The following POLD3 variants were observed in gnomAD, a reference collection of about 807,000 sequenced individuals.
POLD3 encodes DNA polymerase delta subunit 3.
In POLD3, 19 loss-of-function variants were observed where a neutral mutation model predicts 58.2. That is an observed-to-expected ratio of 0.33 (90% CI 0.23 to 0.48). The LOEUF (loss-of-function observed/expected upper bound fraction) is 0.48, where lower values mean the gene tolerates loss of function less well. POLD3 is among the 20% of genes least tolerant of loss of function. POLD3 has a pLI of 0.99. For synonymous variants in POLD3, 172 were observed against 193.5 expected (o/e 0.89, Z 0.92); for missense variants, 504 against 545.5 (o/e 0.92, Z 0.76).
chr11:74,601,281 C>T (rs1341282727), intron 2 of POLD3, among the ~76,000 whole-genome samples: 1 of 152,118 alleles, frequency 6.6e-6, no homozygotes, highest in Non-Finnish European at 1.5e-5. Flanking sequence ...TCTGTTAGCT[C>T]ATTTATCCTT....
At chr11:74,622,609 C>A (rs2032300859) in intron 7 of POLD3, among the ~76,000 whole-genome samples, 2 of 152,154 alleles carry the variant, frequency 1.3e-5, no homozygotes, top group Admixed American at 1.3e-4. Flanking sequence ...AAGATCATTA[C>A]AATGAAAATG....
chr11:74,651,876 T>C (rs2033073023), intron 4 of POLD3, among the ~76,000 whole-genome samples: 1 of 152,130 alleles, frequency 6.6e-6, no homozygotes, highest in South Asian at 2.1e-4. Flanking sequence ...TGAAAACAAT[T>C]CCTGTCATTA....
chr11:74,592,792 A>G, intron 1 of POLD3, 74 bp downstream of exon 1: 1 of 1,588,334 alleles, frequency 6.3e-7, no homozygotes, highest in Non-Finnish European at 8.6e-7. Flanking sequence ...GGGAGCCTTG[A>G]CCCTCTGTCT....
chr11:74,652,315 T>C (rs1435346307), intron 4 of POLD3, among the ~76,000 whole-genome samples: 1 of 152,228 alleles, frequency 6.6e-6, no homozygotes, highest in Non-Finnish European at 1.5e-5. Context: ...TTAGGATAGA[T>C]TGTTAGGAAT....
At chr11:74,650,013 A>G (rs561349563) in intron 4 of POLD3, among the ~76,000 whole-genome samples, 2 of 152,264 alleles carry the variant, frequency 1.3e-5, no homozygotes, top group Non-Finnish European at 2.9e-5. Flanking sequence ...AAAGTCACCA[A>G]ATTTCTCTGA....
At chr11:74,622,340 T>A (rs182259881) in intron 7 of POLD3, among the ~76,000 whole-genome samples, 173 of 152,076 alleles carry the variant, frequency 1.1e-3, no homozygotes, top group Admixed American at 2.4e-3. Context: ...TACGTGTGCA[T>A]GTAAGACCCC....
At position 74,606,240 on chromosome 11, in the gene POLD3, C is replaced by T. The variant is rs192308687; in HGVS notation, c.219+1446C>T. Among the ~76,000 whole-genome samples, 15 of 152,330 alleles carry T rather than the reference C, an allele frequency of 9.8e-5. No homozygotes were observed. In the East Asian group the frequency reaches 2.9e-3, roughly 29 times the overall value. ...GTGTAAAATAAGATGTCATTTATAT[C>T]TCTGAAGCAAAGTTAAACAGACGTA... is the stretch of plus-strand genomic sequence containing the variant. On this transcript the variant is annotated intron_variant, in intron 3 of 11. Transcript: ENST00000263681.
chr11:74,635,814 G>T (rs374052648), intron 10 of POLD3, among the ~76,000 whole-genome samples: 1 of 152,206 alleles, frequency 6.6e-6, no homozygotes, highest in East Asian at 1.9e-4. Context: ...CATAATATCT[G>T]TCTCAGCCCT....
At chr11:74,645,356 T>A (rs1021799111), downstream of POLD3, among the ~76,000 whole-genome samples, 1 of 152,146 alleles carries the variant, frequency 6.6e-6, no homozygotes, top group African/African-American at 2.4e-5. Context: ...AGCATGAGAG[T>A]ATTGACGAGA....
intron 4 of POLD3, among the ~76,000 whole-genome samples, chr11:74,653,805 C>T (rs1043909463): frequency 2.0e-5 from 3 of 151,922 alleles, no homozygotes; most frequent in Non-Finnish European, 2.9e-5. Context: ...TCTGTTCTTG[C>T]GTTGCTGTAA....
chr11:74,636,933 A>G (rs910327970), intron 11 of POLD3, among the ~76,000 whole-genome samples: 1 of 152,178 alleles, frequency 6.6e-6, no homozygotes, highest in Admixed American at 6.5e-5. Context: ...AGCTTCTTCT[A>G]CCCTTTCCAT....
At chr11:74,653,512 G>A (rs1412391231) in intron 4 of POLD3, among the ~76,000 whole-genome samples, 1 of 152,104 alleles carries the variant, frequency 6.6e-6, no homozygotes, top group Non-Finnish European at 1.5e-5. Flanking sequence ...TATGCGTATT[G>A]TAAACCTGAG....
Position 74,634,646 on chromosome 11 carries a change from C to T in POLD3, c.1070C>T (p.Pro357Leu), listed in dbSNP as rs1401277278. Reference protein sequence around the residue: ...ESPSPPPPPSPPLEPVPKTEP... With the variant: ...ESPSPPPPPSLPLEPVPKTEP... ...CCATCCCCACCTCCTCCTCCGTCTC[C>T]ACCTCTTGAACCAGTGCCAAAGACT... The change falls in exon 10 of 12, where the codon CCA becomes CTA. Residue 357 changes from proline (P) to leucine (L), a missense_variant. Transcript: ENST00000263681. The T allele has an allele frequency of 1.9e-6, 3 of 1,613,264 alleles. No individual in the cohort carries two copies. Among genetic ancestry groups the T allele is most frequent in the Non-Finnish European group, 2.5e-6 (3 of 1,179,340 alleles).
At chr11:74,614,704 C>T (rs1790019793) in intron 5 of POLD3, among the ~76,000 whole-genome samples, 1 of 87,144 alleles carries the variant, frequency 1.1e-5, no homozygotes, top group Non-Finnish European at 2.4e-5. Context: ...AGCAAGACTC[C>T]AGCTCAAAAA....
intron 8 of POLD3, 41 bp from the exon 9 acceptor site, chr11:74,629,176 G>C (rs1482864108): frequency 4.2e-6 from 5 of 1,192,654 alleles, no homozygotes; most frequent in Middle Eastern, 2.0e-4. Flanking sequence ...TTACATTTTT[G>C]TTCTGTGTAA....
At chr11:74,619,428 T>C (rs1186435024) in intron 6 of POLD3, among the ~76,000 whole-genome samples, 1 of 152,202 alleles carries the variant, frequency 6.6e-6, no homozygotes, top group Non-Finnish European at 1.5e-5. Context: ...CACTGTCATT[T>C]TCAAGCGTCT....
intron 10 of POLD3, among the ~76,000 whole-genome samples, chr11:74,635,762 A>C (rs753126883): frequency 1.4e-4 from 21 of 152,238 alleles, no homozygotes; most frequent in Non-Finnish European, 2.5e-4. Context: ...CATATGCCAC[A>C]GAAATCCCTG....
intron 11 of POLD3, among the ~76,000 whole-genome samples, chr11:74,639,283 A>G (rs1210087647): frequency 6.6e-6 from 1 of 152,174 alleles, no homozygotes; most frequent in Non-Finnish European, 1.5e-5. Flanking sequence ...GTTTGAGATG[A>G]TATCTTAAGT....
chr11:74,611,789 C>A (rs1427169391), intron 4 of POLD3, among the ~76,000 whole-genome samples: 1 of 152,200 alleles, frequency 6.6e-6, no homozygotes, highest in Non-Finnish European at 1.5e-5. Flanking sequence ...ACTCGTGACA[C>A]ATGCAGAAAC....
Sources: gnomAD v4.1 joint callset for allele counts (sites outside exome capture counted in the v4.1 genomes callset) on GRCh38, gnomAD v4.1.1 for gene constraint, MANE v1.5 for transcripts, NCBI Gene and HGNC (gene_info 2026-07-23, HGNC 2026-07-21) for gene names.